Variants in ZNF568 observed in about 807,000 individuals in gnomAD.
The protein encoded by ZNF568 is p53 inhibitor of SCO2 activation.
In ZNF568, 11 loss-of-function variants were observed where a neutral mutation model predicts 18.1. The observed-to-expected ratio is 0.61, with a 90% CI of 0.38 to 1.00. The LOEUF is 1.00. ZNF568 is among the 50% of genes least tolerant of loss of function. The pLI, the probability that ZNF568 is intolerant of heterozygous loss-of-function variation, is 0.01. For synonymous variants in ZNF568, 213 were observed against 246.6 expected, an observed-to-expected ratio of 0.86 and a Z score of 1.28; for missense variants, 639 against 768.2, an observed-to-expected ratio of 0.83 and a Z score of 1.99.
rs527786073 is a variant in ZNF568 at position 36,963,711 on chromosome 19, G to A, written c.359-10709G>A. 2.8e-4 allele frequency among the ~76,000 whole-genome samples: 42 copies of A among 152,232 alleles called. No individual in the cohort carries two copies. In the South Asian group the frequency reaches 8.7e-3, roughly 32 times the overall value. Reference sequence around the variant, plus strand: ...TGGCCGGGCACAGTGGCTCACAGCTGTAATCCCAGCACTTTGGGAGGCTGA... The same window carrying A: ...TGGCCGGGCACAGTGGCTCACAGCTATAATCCCAGCACTTTGGGAGGCTGA... On this transcript the variant is annotated intron_variant, in intron 6 of 7. Transcript: ENST00000427117.
chr19:36,962,874 GA>G (rs2074166169), intron 6 of ZNF568, among the ~76,000 whole-genome samples: 1 of 151,946 alleles, frequency 6.6e-6, no homozygotes. Context: ...TTTTATAGGT[GA>G]CTAGATGCTT....
In ZNF568 at chr19:36,951,458, T is replaced by A. The variant is rs1266398708; in HGVS notation, c.*370T>A. ...TATAGTCATTTAAAAATGTGTGATA[T>A]TAGTACATTAGTAGGTAAATGAGCA... On this transcript the variant is annotated 3_prime_UTR_variant, in exon 7 of 7. Coordinates refer to ENST00000333987, the MANE Select transcript of ZNF568 (RefSeq NM_198539.4). The A allele has an allele frequency of 6.4e-6, 1 of 157,296 alleles. No individual in the cohort carries two copies. The allele number at this position is 157,296 out of a possible 1,614,324, so 9.7% of individuals were successfully genotyped here.
At chr19:36,931,421 G>A (rs2073684348) in intron 4 of ZNF568, 1 of 152,194 alleles carries the variant, frequency 6.6e-6, no homozygotes, top group African/African-American at 2.4e-5. Flanking sequence ...AGGACTTGCT[G>A]TGTTGCCCAG....
intron 2 of ZNF568, among the ~76,000 whole-genome samples, chr19:36,918,094 G>A (rs1441284878): frequency 2.6e-5 from 4 of 152,060 alleles, no homozygotes; most frequent in Non-Finnish European, 1.5e-5. Context: ...GACTACAGAC[G>A]CGCCACCACG....
At chr19:36,925,376 A>G in intron 4 of ZNF568, 118 bp downstream of exon 4, 1 of 916,050 alleles carries the variant, frequency 1.1e-6, no homozygotes, top group Non-Finnish European at 1.7e-6. Context: ...GTGAGAAAAA[A>G]TACAGATAGA....
In ZNF568 at chr19:36,922,629, A is replaced by T; in HGVS notation, c.-142A>T. 1 of 559,292 alleles carries T rather than the reference A, an allele frequency of 1.8e-6. No homozygotes were observed. Among genetic ancestry groups the T allele is most frequent in the Non-Finnish European group, 3.2e-6 (1 of 313,916 alleles). The allele number at this position is 559,292 out of a possible 1,614,324, so 34.6% of individuals were successfully genotyped here. On this transcript the variant is annotated 5_prime_UTR_variant, in exon 3 of 7. Coordinates refer to ENST00000333987, the MANE Select transcript of ZNF568 (RefSeq NM_198539.4). ...TAAAACACATCTGCAGTGCAAATAG[A>T]AGTCTGAGGAACAGGTGTCTTATCA...
chr19:36,945,212 T>TGTGTGC (rs1307617129), intron 6 of ZNF568, among the ~76,000 whole-genome samples: 1 of 49,268 alleles, frequency 2.0e-5, no homozygotes, highest in East Asian at 2.5e-4. Context: ...GAGAGAGAAG[T>TGTGTGC]GTGTGTGTGT....
At chr19:36,962,279 T>TA (rs1555736280) in intron 6 of ZNF568, among the ~76,000 whole-genome samples, 1,643 of 56,954 alleles carry the variant, frequency 0.029, 78 homozygotes, top group African/African-American at 0.12. Flanking sequence ...GTTGCAGTGT[T>TA]TTTTTTTTTT....
At chr19:36,970,676 A>T (rs1045064350) in intron 6 of ZNF568, among the ~76,000 whole-genome samples, 16 of 152,122 alleles carry the variant, frequency 1.1e-4, no homozygotes, top group Admixed American at 5.2e-4. Flanking sequence ...ACAAAAATTC[A>T]TTGGAGAGCA....
chr19:36,991,501 A>G (rs1238120019), intron 3 of ZNF568: 2 of 690,536 alleles, frequency 2.9e-6, no homozygotes, highest in East Asian at 2.8e-5. Context: ...CTTTATCTTC[A>G]TTATTTTCAT....
chr19:36,957,825 G>A (rs1175645642), intron 6 of ZNF568, among the ~76,000 whole-genome samples: 2 of 152,264 alleles, frequency 1.3e-5, no homozygotes, highest in African/African-American at 2.4e-5. Flanking sequence ...GGATTGGAGT[G>A]GGTTTGATTT....
intron 6 of ZNF568, among the ~76,000 whole-genome samples, chr19:36,939,760 C>T (rs182209120): frequency 2.0e-5 from 3 of 151,998 alleles, no homozygotes; most frequent in East Asian, 3.9e-4. Flanking sequence ...AGGCTGGTCT[C>T]GAATTCCTGA....
intron 2 of ZNF568, among the ~76,000 whole-genome samples, chr19:36,921,263 A>G (rs1177268684): frequency 1.3e-5 from 2 of 152,156 alleles, no homozygotes; most frequent in Non-Finnish European, 2.9e-5. Flanking sequence ...GGAGTTCAAG[A>G]ACAGCCTGAC....
chr19:36,939,532 CTTTTTT>C (rs386388962), intron 6 of ZNF568, among the ~76,000 whole-genome samples: 2,488 of 92,998 alleles, frequency 0.027, 28 homozygotes, highest in Admixed American at 0.069. Flanking sequence ...TATTTTCTTT[CTTTTTT>C]TTTTTTTTTT....
downstream of ZNF568, chr19:36,997,636 T>C (rs776611313): frequency 1.6e-5 from 24 of 1,475,800 alleles, no homozygotes; most frequent in South Asian, 2.6e-4. Context: ...ACCATATGAA[T>C]GTCAGCAGTG....
intron 6 of ZNF568, among the ~76,000 whole-genome samples, chr19:36,963,168 TG>T (rs2074168281): frequency 6.6e-6 from 1 of 152,204 alleles, no homozygotes; most frequent in Non-Finnish European, 1.5e-5. Flanking sequence ...TGAATATTTG[TG>T]TAAAAATTAT....
Position 36,952,532 on chromosome 19 carries a change from CTG to C in ZNF568, c.*1446_*1447del, listed in dbSNP as rs1316761765. 2 of 152,146 alleles carry C rather than the reference CTG, an allele frequency of 1.3e-5. No individual in the cohort carries two copies. Among genetic ancestry groups the C allele is most frequent in the Admixed American group, 1.3e-4 (2 of 15,266 alleles). 9.4% of individuals were successfully genotyped at this position (152,146 alleles called of 1,614,324 possible). On this transcript the variant is annotated 3_prime_UTR_variant, in exon 7 of 7. Transcript: ENST00000333987. The stretch of plus-strand genomic sequence containing the variant: ...GAATGAAATCATTTATAAAGAACAA[CTG>C]TTTCTATTATTGAAAATTGTATGTA...
chr19:36,933,756 T>G (rs1012281167), intron 4 of ZNF568, among the ~76,000 whole-genome samples: 2 of 151,990 alleles, frequency 1.3e-5, no homozygotes, highest in African/African-American at 4.8e-5. Flanking sequence ...AGGGTAATAC[T>G]TGCCTCATAA....
chr19:36,920,494 A>T (rs189874160), intron 2 of ZNF568, among the ~76,000 whole-genome samples: 70 of 151,894 alleles, frequency 4.6e-4, no homozygotes, highest in African/African-American at 1.5e-3. Flanking sequence ...GTGGTGGCAG[A>T]CACCTGTAAT....
Sources: allele counts gnomAD v4.1 joint callset (sites outside exome capture counted in the v4.1 genomes callset), GRCh38; gene constraint gnomAD v4.1.1; transcripts MANE v1.5; gene names NCBI Gene and HGNC (gene_info 2026-07-23, HGNC 2026-07-21).